JAKMIP1: variants seen among roughly 807,000 people sequenced by gnomAD.
JAKMIP1 encodes janus kinase and microtubule interacting protein 1.
Under a neutral mutation model 113.0 loss-of-function variants are expected in JAKMIP1, and 33 were observed. The observed-to-expected ratio is 0.29, with a 90% CI of 0.22 to 0.39. The LOEUF (loss-of-function observed/expected upper bound fraction) is 0.39, where lower values mean the gene tolerates loss of function less well. Among genes scored for constraint, JAKMIP1 ranks in the 10% least tolerant of loss-of-function variants. The pLI is 1.00. For missense variants in JAKMIP1, 813 were observed against 1,080.5 expected (o/e 0.75, Z 3.47); for synonymous variants, 480 against 459.9 (o/e 1.04, Z -0.56).
chr4:6,049,697 A>G lies in JAKMIP1; in HGVS notation c.1962+122T>C, dbSNP rs75196639. 21,013 of 759,856 alleles carry G rather than the reference A, an allele frequency of 0.028. 555 individuals are homozygous for G. The highest frequency in any genetic ancestry group is 0.098 in the South Asian group (5,710 of 58,496). 47.1% of individuals were successfully genotyped at this position (759,856 alleles called of 1,614,324 possible). ...GAACACGGCCATACAAAAGCCTTAC[A>G]TTGTACTTCTTAGATCTCTTACATC... On this transcript the variant is annotated intron_variant, in intron 15 of 20. Coordinates refer to ENST00000409021, the MANE Select transcript of JAKMIP1 (RefSeq NM_001099433.2). The surrounding 1 kb of genome is among the most constrained non-coding windows in gnomAD (Gnocchi z 7.0).
chr4:6,082,379 C>T lies in JAKMIP1; in HGVS notation c.955-624G>A, dbSNP rs548382682. Among the ~76,000 whole-genome samples the T allele has an allele frequency of 7.9e-5, 12 of 151,376 alleles. 1 individual carries two copies. Among genetic ancestry groups the T allele is most frequent in the African/African-American group, 2.9e-4 (12 of 41,244 alleles). On this transcript the variant is annotated intron_variant, in intron 5 of 20. Transcript: ENST00000409021. ...TACTTCTAGAAACCTACCGCCCCCC[C>T]AAAAAAATGCCATGTAGAAGATACA...
At position 6,138,902 on chromosome 4, in the gene JAKMIP1, G is replaced by A. The variant is rs1189111251; in HGVS notation, c.-147-25905C>T. On this transcript the variant is annotated intron_variant, in intron 1 of 20. Transcript: ENST00000409021. This position sits in a 1 kb window ranked among gnomAD's most constrained non-coding sequence, Gnocchi z 6.0. ...TTCAACAGAGCAAGGCCAGTTGGGC[G>A]CTAAGCAACTACTGCTTACTGCCTT... Among the ~76,000 whole-genome samples the A allele has an allele frequency of 6.6e-6, 1 of 152,176 alleles. No individual in the cohort carries two copies. The highest frequency in any genetic ancestry group is 1.5e-5 in the Non-Finnish European group (1 of 68,048).
In JAKMIP1 at chr4:6,040,623, C is replaced by A. The variant is rs1192286565; in HGVS notation, c.2175+16G>T. On this transcript the variant is annotated intron_variant, in intron 18 of 20. Coordinates refer to ENST00000409021, the MANE Select transcript of JAKMIP1 (RefSeq NM_001099433.2). This position sits in a 1 kb window ranked among gnomAD's most constrained non-coding sequence, Gnocchi z 5.8. ...AGTCTAAGAAGCCAAAGTGTCAAAC[C>A]CACTTCTGGTCCTACCAGGTAAGCC... 1.2e-6 allele frequency: 2 copies of A among 1,601,042 alleles called. No homozygotes were observed. Among genetic ancestry groups the A allele is most frequent in the Non-Finnish European group, 1.7e-6 (2 of 1,169,048 alleles).
chr4:6,143,209 G>A lies in JAKMIP1; in HGVS notation c.-147-30212C>T, dbSNP rs929753656. Reference sequence around the variant, plus strand: ...CAGCACCTTGCACAGTGCCTGGTGCGTGGTAGAGTTTGCAGAAAGCACTAT... The same window carrying A: ...CAGCACCTTGCACAGTGCCTGGTGCATGGTAGAGTTTGCAGAAAGCACTAT... On this transcript the variant is annotated intron_variant, in intron 1 of 20. Coordinates refer to ENST00000409021, the MANE Select transcript of JAKMIP1 (RefSeq NM_001099433.2). The surrounding 1 kb of genome is among the most constrained non-coding windows in gnomAD (Gnocchi z 4.9). 3.9e-5 allele frequency among the ~76,000 whole-genome samples: 6 copies of A among 152,218 alleles called. No individual in the cohort carries two copies. Among genetic ancestry groups the A allele is most frequent in the Middle Eastern group, 3.2e-3 (1 of 316 alleles).
At chr4:6,046,214 G>A (rs1249399433) in intron 16 of JAKMIP1, among the ~76,000 whole-genome samples, 2 of 152,202 alleles carry the variant, frequency 1.3e-5, no homozygotes, top group East Asian at 1.9e-4. Context: ...GGGTCCTGCT[G>A]ATGCAGTTCC....
rs145145545 is a variant in JAKMIP1, at chr4:6,197,838, A to C, written c.-148+2415T>G. Among the ~76,000 whole-genome samples the C allele has an allele frequency of 1.7e-3, 260 of 152,364 alleles. 2 individuals carry two copies. The highest frequency in any genetic ancestry group is 5.4e-3 in the African/African-American group (226 of 41,582). On this transcript the variant is annotated intron_variant, in intron 1 of 20. Coordinates refer to ENST00000409021, the MANE Select transcript of JAKMIP1 (RefSeq NM_001099433.2). This position sits in a 1 kb window ranked among gnomAD's most constrained non-coding sequence, Gnocchi z 6.5. ...AGTTAAACAGATAGCCATAGCCTGCAGTGGCAATTGCTGCTGGCTTAAGCA... is the reference window on the plus strand; with the variant it reads ...AGTTAAACAGATAGCCATAGCCTGCCGTGGCAATTGCTGCTGGCTTAAGCA...
At position 6,080,068 on chromosome 4, in the gene JAKMIP1, C is replaced by T; in HGVS notation, c.1242+104G>A. The T allele has an allele frequency of 7.4e-7, 1 of 1,349,548 alleles. No homozygotes were observed. The highest frequency in any genetic ancestry group is 1.0e-6 in the Non-Finnish European group (1 of 1,001,298). The allele number at this position is 1,349,548 out of a possible 1,614,324, so 83.6% of individuals were successfully genotyped here. A position where few individuals can be genotyped will look rare whatever the true frequency, so the allele number is the denominator to read the frequency against. On this transcript the variant is annotated intron_variant, in intron 7 of 20. Transcript: ENST00000409021. The surrounding 1 kb of genome is among the most constrained non-coding windows in gnomAD (Gnocchi z 6.0). Reference sequence around the variant, plus strand: ...AAAGTCAGCACTGCCTGACCCTGACCCAGCTCAGCAGCATCACCCTGAGCC... The same window carrying T: ...AAAGTCAGCACTGCCTGACCCTGACTCAGCTCAGCAGCATCACCCTGAGCC...
At chr4:6,133,341 C>T (rs1422134860) in intron 1 of JAKMIP1, among the ~76,000 whole-genome samples, 1 of 152,188 alleles carries the variant, frequency 6.6e-6, no homozygotes, top group Admixed American at 6.5e-5. Flanking sequence ...CAACCATAAA[C>T]ATTTTGTTTC....
rs1007254696 is a variant in JAKMIP1 at position 6,076,163 on chromosome 4, C to T, written c.1302+2776G>A. ...TGCACTCCAGCCCAGGCAACAAGAG[C>T]GAAACTCCATCTCAAAAAAAATTAG... On this transcript the variant is annotated intron_variant, in intron 8 of 20. Transcript: ENST00000409021. The surrounding 1 kb of genome is among the most constrained non-coding windows in gnomAD (Gnocchi z 4.8). Among the ~76,000 whole-genome samples the T allele has an allele frequency of 1.2e-4, 18 of 151,788 alleles. No individual in the cohort carries two copies. Among genetic ancestry groups the T allele is most frequent in the African/African-American group, 3.1e-4 (13 of 41,288 alleles).
At position 6,137,523 on chromosome 4, in the gene JAKMIP1, A is replaced by G. The variant is rs550952702; in HGVS notation, c.-147-24526T>C. Among the ~76,000 whole-genome samples, 1 of 152,338 alleles carries G rather than the reference A, an allele frequency of 6.6e-6. No homozygotes were observed. Among genetic ancestry groups the G allele is most frequent in the Non-Finnish European group, 1.5e-5 (1 of 68,028 alleles). On this transcript the variant is annotated intron_variant, in intron 1 of 20. Transcript: ENST00000409021. This position sits in a 1 kb window ranked among gnomAD's most constrained non-coding sequence, Gnocchi z 4.5. ...CCCCCTTCAAGTCCTTTGCTCAGGGAAATCAGGAGCTGTGATTTGGTTGAA... is the reference window on the plus strand; with the variant it reads ...CCCCCTTCAAGTCCTTTGCTCAGGGGAATCAGGAGCTGTGATTTGGTTGAA...
intron 2 of JAKMIP1, among the ~76,000 whole-genome samples, chr4:6,111,508 A>G (rs1031690300): frequency 1.3e-5 from 2 of 152,216 alleles, no homozygotes; most frequent in Admixed American, 1.3e-4. Flanking sequence ...TTTTTATTGC[A>G]TCCATTAATC....
Position 6,106,105 on chromosome 4 carries a change from C to T in JAKMIP1, c.130-138G>A. On this transcript the variant is annotated intron_variant, in intron 2 of 20. Coordinates refer to ENST00000409021, the MANE Select transcript of JAKMIP1 (RefSeq NM_001099433.2). This position sits in a 1 kb window ranked among gnomAD's most constrained non-coding sequence, Gnocchi z 5.9. ...CTGGGCCCACGTTCCCATGGATTCC[C>T]CCTTCGGCAGTGCCCTGCAGGCCTG... 2 of 622,950 alleles carry T rather than the reference C, an allele frequency of 3.2e-6. No individual in the cohort carries two copies. The highest frequency in any genetic ancestry group is 5.6e-6 in the Non-Finnish European group (2 of 358,894). 38.6% of individuals were successfully genotyped at this position (622,950 alleles called of 1,614,324 possible).
intron 1 of JAKMIP1, among the ~76,000 whole-genome samples, chr4:6,177,549 G>C (rs16838370): frequency 0.15 from 23,526 of 152,114 alleles, 2,057 homozygotes; most frequent in South Asian, 0.27. Flanking sequence ...TGGACCTAGA[G>C]TCAAATCCTA....
chr4:6,056,857 C>T lies in JAKMIP1; in HGVS notation c.1645-98G>A, dbSNP rs139953696. 6.1e-4 allele frequency: 505 copies of T among 824,834 alleles called. 4 individuals are homozygous for T. The African/African-American group carries it at 7.2e-3, about 12-fold the overall frequency. 51.1% of individuals were successfully genotyped at this position (824,834 alleles called of 1,614,324 possible). A position where few individuals can be genotyped will look rare whatever the true frequency, so the allele number is the denominator to read the frequency against. On this transcript the variant is annotated intron_variant, in intron 11 of 20. Coordinates refer to ENST00000409021, the MANE Select transcript of JAKMIP1 (RefSeq NM_001099433.2). ...AAAGGTCACTTTCTATGAAACTGAC[C>T]ATGGAAAGGTCATAAAAAATGACAG...
chr4:6,054,214 C>T, intron 12 of JAKMIP1, 66 bp from the exon 13 acceptor site: 1 of 1,506,786 alleles, frequency 6.6e-7, no homozygotes, highest in South Asian at 1.2e-5. Flanking sequence ...GGTCACAGGC[C>T]ACCTGACTGA....
chr4:6,160,545 C>T (rs1722779657), intron 1 of JAKMIP1, among the ~76,000 whole-genome samples: 1 of 152,122 alleles, frequency 6.6e-6, no homozygotes, highest in South Asian at 2.1e-4. Flanking sequence ...TGGCCCTAGA[C>T]CCCTTCCCAT....
In JAKMIP1 at chr4:6,112,916, G is replaced by A; in HGVS notation, c.-66C>T. 1.3e-6 allele frequency: 2 copies of A among 1,571,832 alleles called. No individual in the cohort carries two copies. The highest frequency in any genetic ancestry group is 8.6e-7 in the Non-Finnish European group (1 of 1,156,358). On this transcript the variant is annotated 5_prime_UTR_variant, in exon 2 of 21. Coordinates refer to ENST00000409021, the MANE Select transcript of JAKMIP1 (RefSeq NM_001099433.2). ...ACCTGTTCACGCACGCCAGCCAGCA[G>A]GCGTGGCTACCAGCTCCACCGTGCT... is the stretch of plus-strand genomic sequence containing the variant.
At chr4:6,062,231 G>A (rs1374350265) in intron 10 of JAKMIP1, 81 bp downstream of exon 10, 2 of 1,480,194 alleles carry the variant, frequency 1.4e-6, no homozygotes, top group African/African-American at 1.4e-5. Context: ...GTCCAAGCCA[G>A]GGTATGTCAC....
At chr4:6,171,590 T>TCC (rs76593324) in intron 1 of JAKMIP1, among the ~76,000 whole-genome samples, 2 of 151,710 alleles carry the variant, frequency 1.3e-5, no homozygotes, top group South Asian at 2.1e-4. Flanking sequence ...ACCGTCTCGA[T>TCC]CCCCCCCCAA....
Sources: gnomAD v4.1 joint callset for allele counts (sites outside exome capture counted in the v4.1 genomes callset) on GRCh38, gnomAD v4.1.1 for gene constraint, Gnocchi (gnomAD v3.1) non-coding constraint, MANE v1.5 for transcripts, NCBI Gene and HGNC (gene_info 2026-07-23, HGNC 2026-07-21) for gene names.